The following CFAP299 variants were observed in gnomAD, a reference collection of about 807,000 sequenced individuals.
CFAP299 encodes cilia and flagella associated protein 299, also known as cilia- and flagella-associated protein 299.
Under a neutral mutation model 27.0 loss-of-function variants are expected in CFAP299, and 21 were observed. The observed-to-expected ratio is 0.78, with a 90% CI of 0.55 to 1.12. The LOEUF (loss-of-function observed/expected upper bound fraction) is 1.12, where lower values mean the gene tolerates loss of function less well. Ranked by LOEUF, CFAP299 falls within the 50% of genes most tolerant of loss-of-function variation. CFAP299 has a pLI of 0.00. For missense variants in CFAP299, 310 were observed against 276.6 expected, an observed-to-expected ratio of 1.12 and a Z score of -0.86; for synonymous variants, 104 against 98.1, an observed-to-expected ratio of 1.06 and a Z score of -0.36.
In CFAP299 at chr4:80,598,300, G is replaced by A. The variant is rs574846547; in HGVS notation, c.333+15117G>A. 4.6e-5 allele frequency among the ~76,000 whole-genome samples: 7 copies of A among 152,278 alleles called. No individual in the cohort carries two copies. The East Asian group carries it at 1.2e-3, about 25-fold the overall frequency. The stretch of plus-strand genomic sequence containing the variant: ...AGTGTACTAGTATGGAACACAGTGT[G>A]CTATAGATTCCTATTACCTGAATAC... On this transcript the variant is annotated intron_variant, in intron 3 of 5. Transcript: ENST00000358105.
intron 2 of CFAP299, among the ~76,000 whole-genome samples, chr4:80,433,895 T>C (rs1727941311): frequency 6.6e-6 from 1 of 152,182 alleles, no homozygotes; most frequent in Admixed American, 6.5e-5. Context: ...TGTCAACCTC[T>C]TCTGTTTGAG....
At chr4:80,926,267 G>A (rs538354277) in intron 4 of CFAP299, among the ~76,000 whole-genome samples, 58 of 152,166 alleles carry the variant, frequency 3.8e-4, no homozygotes, top group Admixed American at 2.2e-3. Flanking sequence ...CAGGTTTGGA[G>A]GAGTTTGTGT....
intron 2 of CFAP299, among the ~76,000 whole-genome samples, chr4:80,556,718 T>C (rs1161015872): frequency 1.3e-5 from 2 of 151,962 alleles, no homozygotes; most frequent in Admixed American, 1.3e-4. Context: ...TTTAAGACAC[T>C]AGATATCACA....
rs1211787808 is a variant in CFAP299, at chr4:80,811,642, C to A, written c.334-58351C>A. Among the ~76,000 whole-genome samples, 6 of 152,230 alleles carry A rather than the reference C, an allele frequency of 3.9e-5. No homozygotes were observed. In the East Asian group the frequency reaches 1.2e-3, roughly 29 times the overall value. On this transcript the variant is annotated intron_variant, in intron 3 of 5. Transcript: ENST00000358105. ...CACTCAGGGAAGTATCCTACCACTA[C>A]CTGGTCAGTTGTATCTGCTTTGTGT...
intron 3 of CFAP299, among the ~76,000 whole-genome samples, chr4:80,809,979 G>C (rs1409427452): frequency 6.6e-6 from 1 of 151,980 alleles, no homozygotes; most frequent in Non-Finnish European, 1.5e-5. Context: ...ATGTGATAAT[G>C]TCCTTGTTTT....
chr4:80,806,470 A>G (rs932614770), intron 3 of CFAP299, among the ~76,000 whole-genome samples: 6 of 152,192 alleles, frequency 3.9e-5, no homozygotes, highest in Admixed American at 2.6e-4. Context: ...GCAATGAGAG[A>G]TTCATTCAGC....
At chr4:80,394,895 T>C (rs1236775086) in intron 2 of CFAP299, among the ~76,000 whole-genome samples, 2 of 152,170 alleles carry the variant, frequency 1.3e-5, no homozygotes, top group Non-Finnish European at 2.9e-5. Context: ...TCAAGATTTC[T>C]TTGGCTATTT....
intron 3 of CFAP299, among the ~76,000 whole-genome samples, chr4:80,594,365 A>T (rs779847767): frequency 1.3e-5 from 2 of 152,288 alleles, no homozygotes; most frequent in East Asian, 1.9e-4. Context: ...AATGGGGGAA[A>T]CTGCCCCCAT....
Position 80,631,859 on chromosome 4 carries a change from G to GCCCCCCCCCCCCCC in CFAP299, c.333+48680_333+48681insCCCCCCCCCCCCCC, listed in dbSNP as rs34119726. 9.3e-5 allele frequency among the ~76,000 whole-genome samples: 2 copies of GCCCCCCCCCCCCCC among 21,470 alleles called. 1 individual carries two copies. Among genetic ancestry groups the GCCCCCCCCCCCCCC allele is most frequent in the Non-Finnish European group, 1.8e-4 (2 of 10,864 alleles). 14.1% of individuals were successfully genotyped at this position (21,470 alleles called of 152,430 possible). On this transcript the variant is annotated intron_variant, in intron 3 of 5. Transcript: ENST00000358105. ...TTAGGCTATCAGTCTGAATATTTGT[G>GCCCCCCCCCCCCCC]CCCCACCCCCCCCCAACCAAATTCA...
chr4:80,797,314 C>T (rs1459154357), intron 3 of CFAP299, among the ~76,000 whole-genome samples: 2 of 152,132 alleles, frequency 1.3e-5, no homozygotes, highest in Non-Finnish European at 2.9e-5. Context: ...TGGCTTAAGT[C>T]TGGAAATTGA....
chr4:80,536,481 G>A (rs892274517), intron 2 of CFAP299, among the ~76,000 whole-genome samples: 6 of 152,062 alleles, frequency 3.9e-5, no homozygotes, highest in African/African-American at 1.4e-4. Flanking sequence ...AAAACTAATA[G>A]CCATGAAAGT....
At chr4:80,852,974 T>C (rs1731610422) in intron 3 of CFAP299, among the ~76,000 whole-genome samples, 1 of 152,194 alleles carries the variant, frequency 6.6e-6, no homozygotes, top group African/African-American at 2.4e-5. Flanking sequence ...TCTCTACCTT[T>C]ATGGCCCCTG....
At chr4:80,396,050 G>C (rs1725769875) in intron 2 of CFAP299, among the ~76,000 whole-genome samples, 2 of 152,066 alleles carry the variant, frequency 1.3e-5, no homozygotes, top group Non-Finnish European at 2.9e-5. Context: ...TAAGTAAATA[G>C]AGCAATAGAT....
intron 3 of CFAP299, among the ~76,000 whole-genome samples, chr4:80,642,825 A>C (rs1454280419): frequency 6.6e-6 from 1 of 152,168 alleles, no homozygotes; most frequent in Non-Finnish European, 1.5e-5. Flanking sequence ...ATGGTCTCCT[A>C]CATGCCAGAC....
intron 3 of CFAP299, among the ~76,000 whole-genome samples, chr4:80,597,770 T>C (rs1737134912): frequency 6.6e-6 from 1 of 152,114 alleles, no homozygotes; most frequent in Admixed American, 6.6e-5. Context: ...CACTACAACC[T>C]CCTGCTTCCA....
At chr4:80,598,725 G>C (rs1459266556) in intron 3 of CFAP299, among the ~76,000 whole-genome samples, 2 of 152,146 alleles carry the variant, frequency 1.3e-5, no homozygotes, top group Non-Finnish European at 2.9e-5. Context: ...TGACTGGTAT[G>C]CTAGAGGCCT....
chr4:80,915,774 T>C (rs912693706), intron 4 of CFAP299, among the ~76,000 whole-genome samples: 3 of 152,084 alleles, frequency 2.0e-5, no homozygotes, highest in Non-Finnish European at 4.4e-5. Context: ...GTTAATTCCA[T>C]CAAATGTATT....
intron 3 of CFAP299, among the ~76,000 whole-genome samples, chr4:80,689,039 A>T (rs1353174975): frequency 6.6e-6 from 1 of 152,248 alleles, no homozygotes. Context: ...ATATGGGACT[A>T]TGTGAAAAGA....
chr4:80,781,332 A>G (rs898771685), intron 3 of CFAP299, among the ~76,000 whole-genome samples: 3 of 152,152 alleles, frequency 2.0e-5, no homozygotes, highest in African/African-American at 4.8e-5. Flanking sequence ...TGACACTTCA[A>G]AAAAGCCTGA....
Sources: allele counts gnomAD v4.1 joint callset (sites outside exome capture counted in the v4.1 genomes callset), GRCh38; gene constraint gnomAD v4.1.1; transcripts MANE v1.5; gene names NCBI Gene and HGNC (gene_info 2026-07-23, HGNC 2026-07-21).